The following FAM110B variants were observed in gnomAD, a reference collection of about 807,000 sequenced individuals.
FAM110B encodes family with sequence similarity 110 member B.
In FAM110B, 6 loss-of-function variants were observed where a neutral mutation model predicts 20.4. The ratio of observed to expected loss-of-function variants is 0.29; its 90% CI spans 0.16 to 0.58. FAM110B has a LOEUF of 0.58. FAM110B is among the 20% of genes least tolerant of loss of function. The pLI is 0.90. For missense variants in FAM110B, 434 were observed against 498.2 expected (o/e 0.87, Z 1.23); for synonymous variants, 226 against 214.1 (o/e 1.06, Z -0.49).
chr8:58,099,164 G>A (rs539979940), intron 3 of FAM110B: 1 of 152,186 alleles, frequency 6.6e-6, no homozygotes, highest in Non-Finnish European at 1.5e-5. Context: ...AAATACTCAA[G>A]GTTATTTTAT....
rs186947306 is a variant in FAM110B at position 58,102,652 on chromosome 8, T to C, written c.-325+27029T>C. ...CTCACATGCAACGACTAAGCTGGAG[T>C]TGCAGGAGCTTTCTTGTCTGCCACT... On this transcript the variant is annotated intron_variant, in intron 3 of 3. Transcript: ENST00000519262. Among the ~76,000 whole-genome samples the C allele has an allele frequency of 2.5e-3, 382 of 152,182 alleles. 2 individuals are homozygous for C. The highest frequency in any genetic ancestry group is 3.6e-3 in the Non-Finnish European group (242 of 67,998).
At chr8:58,117,247 T>C (rs1303276995) in intron 3 of FAM110B, among the ~76,000 whole-genome samples, 1 of 152,232 alleles carries the variant, frequency 6.6e-6, no homozygotes, top group Non-Finnish European at 1.5e-5. Context: ...TGTGATTCGA[T>C]GTGGTGCTTT....
intron 1 of FAM110B, among the ~76,000 whole-genome samples, chr8:58,012,975 T>G (rs1470832538): frequency 6.6e-6 from 1 of 152,124 alleles, no homozygotes; most frequent in Non-Finnish European, 1.5e-5. Flanking sequence ...CATCCCAGGC[T>G]GGTGTCTCCC....
intron 3 of FAM110B, among the ~76,000 whole-genome samples, chr8:58,080,672 A>G (rs962499799): frequency 3.3e-5 from 5 of 152,220 alleles, no homozygotes; most frequent in Non-Finnish European, 7.3e-5. Flanking sequence ...AGCATAGGAT[A>G]AAAGAATGCT....
intron 3 of FAM110B, among the ~76,000 whole-genome samples, chr8:58,097,354 T>C (rs1235200380): frequency 6.6e-6 from 1 of 152,268 alleles, no homozygotes; most frequent in Non-Finnish European, 1.5e-5. Context: ...TACTTGTGTA[T>C]GCTTCACAAA....
At chr8:58,047,593 T>TCTCC (rs774752682) in intron 2 of FAM110B, among the ~76,000 whole-genome samples, 4 of 86,426 alleles carry the variant, frequency 4.6e-5, no homozygotes, top group African/African-American at 3.0e-4. Flanking sequence ...TCCTTTTTCC[T>TCTCC]CTCTCTCTCT....
In FAM110B at chr8:58,013,246, A is replaced by G. The variant is rs183793223; in HGVS notation, c.-511-18360A>G. On this transcript the variant is annotated intron_variant, in intron 1 of 3. Coordinates refer to ENST00000519262, the MANE Select transcript of FAM110B (RefSeq NM_001377989.1). ...CAGAATCTTTCCCCAAAGTGGATCA[A>G]AGATGGAGTATCATCAGTATCATCG... Among the ~76,000 whole-genome samples, 389 of 152,338 alleles carry G rather than the reference A, an allele frequency of 2.6e-3. 2 individuals are homozygous for G. Among genetic ancestry groups the G allele is most frequent in the Admixed American group, 4.2e-3 (65 of 15,308 alleles).
At chr8:58,096,712 C>T (rs1312700849) in intron 3 of FAM110B, among the ~76,000 whole-genome samples, 2 of 152,176 alleles carry the variant, frequency 1.3e-5, no homozygotes, top group African/African-American at 4.8e-5. Context: ...GTGCTTCCTT[C>T]AGGAGCTCTT....
chr8:57,995,129 G>C (rs562225665), intron 1 of FAM110B, among the ~76,000 whole-genome samples: 1 of 152,256 alleles, frequency 6.6e-6, no homozygotes, highest in African/African-American at 2.4e-5. Flanking sequence ...ACGGGGCCGG[G>C]GCTGGAGCCG....
chr8:58,019,674 A>C (rs563284588), intron 1 of FAM110B, among the ~76,000 whole-genome samples: 1 of 152,178 alleles, frequency 6.6e-6, no homozygotes, highest in South Asian at 2.1e-4. Context: ...ATGTTGTTCC[A>C]TTATGGCCTC....
intron 3 of FAM110B, chr8:58,091,685 C>G (rs1315715133): frequency 6.6e-6 from 1 of 152,102 alleles, no homozygotes; most frequent in Admixed American, 6.6e-5. Flanking sequence ...CAGATGCCCC[C>G]CATTCAGCAT....
chr8:58,142,964 C>G (rs1179699286), intron 3 of FAM110B, among the ~76,000 whole-genome samples: 1 of 152,252 alleles, frequency 6.6e-6, no homozygotes, highest in Non-Finnish European at 1.5e-5. Context: ...AGAGGGCTGA[C>G]AGCAAGGCCA....
chr8:58,006,020 C>T (rs1416186208), intron 1 of FAM110B, among the ~76,000 whole-genome samples: 2 of 151,974 alleles, frequency 1.3e-5, no homozygotes, highest in African/African-American at 2.4e-5. Flanking sequence ...GGCTTTTCCT[C>T]CATTAGCACA....
intron 2 of FAM110B, among the ~76,000 whole-genome samples, chr8:58,042,430 T>C (rs1272487624): frequency 6.6e-6 from 1 of 152,236 alleles, no homozygotes; most frequent in Non-Finnish European, 1.5e-5. Flanking sequence ...GAGATTCTTT[T>C]ACACAACCTA....
chr8:58,060,379 G>C (rs1386046573), intron 2 of FAM110B, among the ~76,000 whole-genome samples: 1 of 152,102 alleles, frequency 6.6e-6, no homozygotes, highest in African/African-American at 2.4e-5. Context: ...TTTAGGTCAG[G>C]GAATAATGCT....
At chr8:58,083,625 A>G (rs772010421) in intron 3 of FAM110B, among the ~76,000 whole-genome samples, 29 of 152,326 alleles carry the variant, frequency 1.9e-4, no homozygotes, top group Admixed American at 4.6e-4. Context: ...TGGCACCTTT[A>G]AAAGCCCACA....
intron 3 of FAM110B, among the ~76,000 whole-genome samples, chr8:58,104,446 G>A (rs906491873): frequency 2.8e-4 from 43 of 152,296 alleles, no homozygotes; most frequent in African/African-American, 9.6e-4. Flanking sequence ...GGAGTGGAGG[G>A]AAAGGCTGGG....
intron 3 of FAM110B, among the ~76,000 whole-genome samples, chr8:58,124,173 T>C (rs1807434795): frequency 6.6e-6 from 1 of 152,216 alleles, no homozygotes; most frequent in African/African-American, 2.4e-5. Context: ...TTGGGCTCTA[T>C]TTTACTGACT....
chr8:58,084,348 CTA>C (rs1806275988), intron 3 of FAM110B, among the ~76,000 whole-genome samples: 1 of 150,804 alleles, frequency 6.6e-6, no homozygotes, highest in Non-Finnish European at 1.5e-5. Context: ...ATAAAATTCT[CTA>C]TGTTTTCCTT....
Sources: allele counts gnomAD v4.1 joint callset (sites outside exome capture counted in the v4.1 genomes callset), GRCh38; gene constraint gnomAD v4.1.1; transcripts MANE v1.5; gene names NCBI Gene and HGNC (gene_info 2026-07-23, HGNC 2026-07-21).